DDX3X: variants seen among roughly 807,000 people sequenced by gnomAD.
The protein encoded by DDX3X is ATP-dependent RNA helicase DDX3X.
Under a neutral mutation model 52.7 loss-of-function variants are expected in DDX3X, and 4 were observed. The ratio of observed to expected loss-of-function variants is 0.08; its 90% CI spans 0.04 to 0.17. The LOEUF is 0.17. Ranked by LOEUF, DDX3X falls within the 10% of genes least tolerant of loss-of-function variation. The probability of loss-of-function intolerance (pLI) is 1.00; values close to 1 mark genes in which losing one functional copy is unlikely to be tolerated. For missense variants in DDX3X, 222 were observed against 548.6 expected, an observed-to-expected ratio of 0.40 and a Z score of 5.95; for synonymous variants, 192 against 178.1, an observed-to-expected ratio of 1.08 and a Z score of -0.62.
At chrX:41,351,030 C>T (rs951450808), downstream of DDX3X, 6 of 111,809 alleles carry the variant, frequency 5.4e-5, no homozygotes. Context: ...AGAATTTTGA[C>T]ACATGGCCAT....
Position 41,340,724 on chromosome X carries a change from T to G in DDX3X, c.152-760T>G, listed in dbSNP as rs1265876025. 1.7e-5 allele frequency: 5 copies of G among 293,785 alleles called. No homozygotes were observed. In the East Asian group the frequency reaches 1.9e-4, roughly 11 times the overall value. The allele number at this position is 293,785 out of a possible 1,213,427, so 24.2% of individuals were successfully genotyped here. A position where few individuals can be genotyped will look rare whatever the true frequency, so the allele number is the denominator to read the frequency against. On this transcript the variant is annotated intron_variant, in intron 3 of 16. Coordinates refer to ENST00000644876, the MANE Select transcript of DDX3X (RefSeq NM_001356.5). Reference sequence around the variant, plus strand: ...TTAGTGTTCTTGTACTTTATACTATTGAAACTGAAAAATACTGTATTAAAC... The same window carrying G: ...TTAGTGTTCTTGTACTTTATACTATGGAAACTGAAAAATACTGTATTAAAC...
At chrX:41,351,450 AAATGTT>A (rs2063985633), downstream of DDX3X, 1 of 111,483 alleles carries the variant, frequency 9.0e-6, no homozygotes, top group Non-Finnish European at 1.9e-5. Flanking sequence ...TTCATGCTTA[AAATGTT>A]TCCTTTGCTC....
intron 12 of DDX3X, 52 bp downstream of exon 12, chrX:41,345,600 C>A: frequency 9.4e-7 from 1 of 1,062,898 alleles, no homozygotes; most frequent in Non-Finnish European, 1.3e-6. Context: ...CTCTTTGTTG[C>A]CCAGGCTGGA....
Position 41,347,464 on chromosome X carries a change from T to G in DDX3X, c.1909+13T>G. The G allele has an allele frequency of 8.3e-7, 1 of 1,203,266 alleles. No homozygotes were observed. Among genetic ancestry groups the G allele is most frequent in the Non-Finnish European group, 1.1e-6 (1 of 891,628 alleles). ...GGATTTGGTGGAGGTAGTGTTAATC[T>G]GTAACTTCATAGCTTTGGGAAGGGT... is the stretch of plus-strand genomic sequence containing the variant. On this transcript the variant is annotated intron_variant, in intron 16 of 16. Coordinates refer to ENST00000644876, the MANE Select transcript of DDX3X (RefSeq NM_001356.5).
At chrX:41,363,409 A>G (rs1181378986) in intron 5 of DDX3X, among the ~76,000 whole-genome samples, 1 of 109,820 alleles carries the variant, frequency 9.1e-6, no homozygotes, top group Non-Finnish European at 1.9e-5. Context: ...TGGGCAATAG[A>G]GTGAGACTCT....
intron 5 of DDX3X, among the ~76,000 whole-genome samples, chrX:41,358,912 C>CCAT (rs745699649): frequency 9.0e-5 from 10 of 111,419 alleles, no homozygotes; most frequent in Admixed American, 1.9e-4. Flanking sequence ...GTGCCCACCA[C>CCAT]CACTCCTGGC....
rs1322523212 is a variant in DDX3X, at chrX:41,359,614, A to AAT, written c.655-4659_655-4658insTA. Among the ~76,000 whole-genome samples the AAT allele has an allele frequency of 3.7e-3, 389 of 106,284 alleles. 1 individual carries two copies. Among genetic ancestry groups the AAT allele is most frequent in the Non-Finnish European group, 6.1e-3 (315 of 51,757 alleles). The allele number at this position is 106,284 out of a possible 115,157, so 92.3% of individuals were successfully genotyped here. A position where few individuals can be genotyped will look rare whatever the true frequency, so the allele number is the denominator to read the frequency against. On this transcript the variant is annotated intron_variant, in intron 5 of 5. Transcript: ENST00000616050. ...TCCATCTCAAAAAAAAAAAAAAAAAAAGTTGCCTCCAAATTTTGGAGTGAG... is the reference window on the plus strand; with the variant it reads ...TCCATCTCAAAAAAAAAAAAAAAAAAATAGTTGCCTCCAAATTTTGGAGTGAG...
chrX:41,362,903 T>A (rs923748144), intron 5 of DDX3X, among the ~76,000 whole-genome samples: 1 of 111,485 alleles, frequency 9.0e-6, no homozygotes, highest in African/African-American at 3.3e-5. Flanking sequence ...GCTCCCATAT[T>A]ATGAGCTCAT....
chrX:41,341,383 TAGTC>T (rs2063847856), intron 3 of DDX3X, 97 bp from the exon 4 acceptor site: 2 of 649,443 alleles, frequency 3.1e-6, no homozygotes, highest in Non-Finnish European at 2.3e-6. Flanking sequence ...ATGGTAGGGA[TAGTC>T]AGTGGAGGCT....
chrX:41,334,743 C>T (rs2063735695), intron 1 of DDX3X: 1 of 972,981 alleles, frequency 1.0e-6, no homozygotes, highest in Non-Finnish European at 1.3e-6. Context: ...TGGCGGCACC[C>T]GGTGTTTGCG....
downstream of DDX3X, among the ~76,000 whole-genome samples, chrX:41,353,827 C>CAA (rs1273146472): frequency 6.5e-5 from 7 of 108,176 alleles, no homozygotes; most frequent in Admixed American, 4.1e-4. Flanking sequence ...CACACACACA[C>CAA]AATAAAGCTG....
chrX:41,343,150 C>T (rs924587210), intron 6 of DDX3X, 66 bp from the exon 7 acceptor site: 2 of 1,117,189 alleles, frequency 1.8e-6, no homozygotes, highest in African/African-American at 3.7e-5. Context: ...TTGGTTGTTT[C>T]CATTATTAGT....
At chrX:41,345,027 A>G (rs1239119823) in intron 10 of DDX3X, among the ~76,000 whole-genome samples, 153 bp from the exon 11 acceptor site, 1 of 112,020 alleles carries the variant, frequency 8.9e-6, no homozygotes, top group African/African-American at 3.2e-5. Flanking sequence ...CTGTGTCTGT[A>G]AAATTATGCA....
intron 5 of DDX3X, among the ~76,000 whole-genome samples, chrX:41,357,267 G>A (rs1432998381): frequency 4.5e-5 from 5 of 110,069 alleles, no homozygotes; most frequent in Non-Finnish European, 7.6e-5. Flanking sequence ...AAGTCTTAAC[G>A]TTGGGTAGGA....
intron 1 of DDX3X, chrX:41,334,757 C>G: frequency 1.0e-6 from 1 of 968,366 alleles, no homozygotes; most frequent in Non-Finnish European, 1.3e-6. Flanking sequence ...GTTTGCGTGC[C>G]TGCGAGCAAG....
intron 3 of DDX3X, chrX:41,339,977 G>C (rs779247064): frequency 2.0e-5 from 2 of 101,565 alleles, no homozygotes; most frequent in Non-Finnish European, 4.0e-5. Context: ...GCAGTAGCGC[G>C]GGCTCACTGC....
intron 5 of DDX3X, among the ~76,000 whole-genome samples, chrX:41,357,221 A>C (rs1432791793): frequency 9.0e-6 from 1 of 111,250 alleles, no homozygotes; most frequent in Non-Finnish European, 1.9e-5. Context: ...AGCGTGAGCC[A>C]CTGCGTGTGG....
chrX:41,333,908 G>A (rs930176265), upstream of DDX3X: 60 of 188,977 alleles, frequency 3.2e-4, 1 homozygote, highest in Admixed American at 3.2e-3. Context: ...TAGGGTTTTA[G>A]CGGAGAGCAC....
intron 3 of DDX3X, chrX:41,339,736 T>C (rs1275035727): frequency 9.0e-6 from 1 of 110,676 alleles, no homozygotes; most frequent in Admixed American, 9.7e-5. Context: ...AACCAAAGAT[T>C]AGGAGGGAAG....
Sources: allele counts gnomAD v4.1 joint callset (sites outside exome capture counted in the v4.1 genomes callset), GRCh38; gene constraint gnomAD v4.1.1; transcripts MANE v1.5; gene names NCBI Gene and HGNC (gene_info 2026-07-23, HGNC 2026-07-21).